The following MAP7D2 variants were observed in gnomAD, a reference collection of about 807,000 sequenced individuals.
The protein encoded by MAP7D2 is MAP7 domain containing 2, also known as MAP7 domain-containing protein 2.
Under a neutral mutation model 63.5 loss-of-function variants are expected in MAP7D2, and 33 were observed. The observed-to-expected ratio is 0.52, with a 90% CI of 0.39 to 0.70. The LOEUF (loss-of-function observed/expected upper bound fraction) is 0.70, where lower values mean the gene tolerates loss of function less well. Ranked by LOEUF, MAP7D2 falls within the 30% of genes least tolerant of loss-of-function variation. MAP7D2 has a pLI of 0.00. For missense variants in MAP7D2, 626 were observed against 604.0 expected, an observed-to-expected ratio of 1.04 and a Z score of -0.38; for synonymous variants, 224 against 223.7, an observed-to-expected ratio of 1.00 and a Z score of -0.01.
intron 7 of MAP7D2, 128 bp from the exon 8 acceptor site, chrX:20,042,757 A>C: frequency 1.2e-6 from 1 of 812,306 alleles, no homozygotes; most frequent in South Asian, 2.9e-5. Flanking sequence ...ATAACGCTTC[A>C]CATGACAGGC....
intron 1 of MAP7D2, among the ~76,000 whole-genome samples, chrX:20,095,658 G>A (rs902036061): frequency 2.7e-5 from 3 of 111,845 alleles, no homozygotes; most frequent in African/African-American, 6.5e-5. Context: ...ATAGATGTAT[G>A]CACACCTATG....
At chrX:20,101,710 T>C (rs1028691891) in intron 1 of MAP7D2, among the ~76,000 whole-genome samples, 2 of 112,232 alleles carry the variant, frequency 1.8e-5, no homozygotes, top group Non-Finnish European at 3.8e-5. Context: ...GTACTACTAC[T>C]CAGAAATAAA....
intron 8 of MAP7D2, among the ~76,000 whole-genome samples, chrX:20,040,236 T>C (rs2064617518): frequency 9.0e-6 from 1 of 111,176 alleles, no homozygotes; most frequent in African/African-American, 3.3e-5. Context: ...AGCTTGCAGA[T>C]GGTCTATTGT....
At chrX:20,036,779 C>T (rs2064502823) in intron 8 of MAP7D2, among the ~76,000 whole-genome samples, 1 of 102,582 alleles carries the variant, frequency 9.7e-6, no homozygotes, top group Non-Finnish European at 2.0e-5. Context: ...TGGCGCACCC[C>T]TGTAATCCCA....
chrX:20,073,266 T>C (rs749106197), intron 1 of MAP7D2, among the ~76,000 whole-genome samples: 64 of 112,100 alleles, frequency 5.7e-4, no homozygotes, highest in Non-Finnish European at 1.0e-3. Context: ...TATATTTCTA[T>C]AAAGTATCTT....
rs867222054 is a variant in MAP7D2, at chrX:20,083,488, T to A, written c.131-18683A>T. On this transcript the variant is annotated intron_variant, in intron 1 of 16. Coordinates refer to ENST00000379643, the MANE Select transcript of MAP7D2 (RefSeq NM_001168465.2). ...TTCAGGAACATAAAAATAAATGATATATGCATTTTCAAATCCTGTGTGTTG... is the reference window on the plus strand; with the variant it reads ...TTCAGGAACATAAAAATAAATGATAAATGCATTTTCAAATCCTGTGTGTTG... Among the ~76,000 whole-genome samples the A allele has an allele frequency of 4.5e-5, 5 of 112,237 alleles. No homozygotes were observed. The South Asian group carries it at 1.8e-3, about 41-fold the overall frequency.
intron 1 of MAP7D2, among the ~76,000 whole-genome samples, chrX:20,065,866 T>C (rs1338457925): frequency 9.0e-6 from 1 of 111,705 alleles, no homozygotes; most frequent in Middle Eastern, 4.2e-3. Context: ...TACTGCACTC[T>C]GTTACAACTG....
intron 12 of MAP7D2, among the ~76,000 whole-genome samples, chrX:20,013,863 C>T (rs186865795): frequency 5.4e-5 from 6 of 112,121 alleles, no homozygotes; most frequent in East Asian, 2.8e-4. Context: ...AATCAATATT[C>T]GATTTATATC....
intron 1 of MAP7D2, among the ~76,000 whole-genome samples, chrX:20,077,345 C>T (rs1252626230): frequency 9.0e-6 from 1 of 111,223 alleles, no homozygotes; most frequent in East Asian, 2.8e-4. Flanking sequence ...ACCAGCTACT[C>T]GAGAGGCTGA....
intron 3 of MAP7D2, among the ~76,000 whole-genome samples, chrX:20,059,397 C>G (rs1272199157): frequency 8.9e-6 from 1 of 111,850 alleles, no homozygotes; most frequent in African/African-American, 3.3e-5. Flanking sequence ...GGCTGAGCAA[C>G]AGAAAGTGAG....
intron 8 of MAP7D2, among the ~76,000 whole-genome samples, chrX:20,039,804 T>C (rs1363762585): frequency 9.1e-6 from 1 of 109,949 alleles, no homozygotes; most frequent in Admixed American, 9.7e-5. Context: ...ATGGAGACCA[T>C]CCTGGCCAAT....
At chrX:20,095,867 G>A (rs1438598838) in intron 1 of MAP7D2, among the ~76,000 whole-genome samples, 1 of 110,194 alleles carries the variant, frequency 9.1e-6, no homozygotes, top group Non-Finnish European at 1.9e-5. Flanking sequence ...ATCACCTGAG[G>A]TCAGGAGTCC....
intron 1 of MAP7D2, among the ~76,000 whole-genome samples, chrX:20,094,157 T>C (rs2066143850): frequency 9.1e-6 from 1 of 109,952 alleles, no homozygotes; most frequent in South Asian, 3.9e-4. Context: ...TGTTTGGAAA[T>C]GCAAGTAGCT....
chrX:20,019,552 C>T (rs1025940233), intron 10 of MAP7D2, among the ~76,000 whole-genome samples: 4 of 111,894 alleles, frequency 3.6e-5, no homozygotes, highest in African/African-American at 9.8e-5. Flanking sequence ...CCTTTTCTGT[C>T]GCTCCCTGTT....
intron 1 of MAP7D2, among the ~76,000 whole-genome samples, chrX:20,079,960 T>C (rs898431577): frequency 1.8e-5 from 2 of 111,495 alleles, no homozygotes; most frequent in African/African-American, 6.5e-5. Context: ...GAAGCTAAGA[T>C]GAGCAAACTC....
intron 1 of MAP7D2, among the ~76,000 whole-genome samples, chrX:20,116,247 C>CA (rs991772824): frequency 8.8e-6 from 1 of 113,238 alleles, no homozygotes; most frequent in African/African-American, 3.2e-5. Context: ...CTGCCTCTGC[C>CA]AATGGGTGAC....
At chrX:20,069,734 T>TG (rs1279915504) in intron 1 of MAP7D2, among the ~76,000 whole-genome samples, 2 of 109,568 alleles carry the variant, frequency 1.8e-5, no homozygotes, top group African/African-American at 6.7e-5. Flanking sequence ...ATACTACCAC[T>TG]GGGGGAAACC....
At chrX:20,045,824 T>A (rs1484657466) in intron 6 of MAP7D2, among the ~76,000 whole-genome samples, 1 of 111,168 alleles carries the variant, frequency 9.0e-6, no homozygotes, top group East Asian at 2.8e-4. Flanking sequence ...TTTTGAGAGG[T>A]AAAAGTGACC....
chrX:20,032,862 C>T (rs1453123951), intron 8 of MAP7D2, among the ~76,000 whole-genome samples: 1 of 112,338 alleles, frequency 8.9e-6, no homozygotes, highest in African/African-American at 3.2e-5. Context: ...GGCCTGACAG[C>T]TTCCGCTTCC....
Sources: allele counts gnomAD v4.1 joint callset (sites outside exome capture counted in the v4.1 genomes callset), GRCh38; gene constraint gnomAD v4.1.1; transcripts MANE v1.5; gene names NCBI Gene and HGNC (gene_info 2026-07-23, HGNC 2026-07-21).